CRABP2: variants seen among roughly 807,000 people sequenced by gnomAD.
CRABP2 encodes the protein cellular retinoic acid binding protein 2, also known as cellular retinoic acid-binding protein 2.
In CRABP2, 20 loss-of-function variants were observed where a neutral mutation model predicts 17.9. That is an observed-to-expected ratio of 1.12 (90% CI 0.79 to 1.63). The LOEUF is 1.63. CRABP2 is among the 40% of genes most tolerant of loss of function. CRABP2 has a pLI of 0.00. For synonymous variants in CRABP2, 76 were observed against 66.4 expected, an observed-to-expected ratio of 1.14 and a Z score of -0.70; for missense variants, 151 against 168.6, an observed-to-expected ratio of 0.90 and a Z score of 0.58.
Position 156,700,912 on chromosome 1 carries a change from C to G in CRABP2, c.211G>C (p.Glu71Gln), listed in dbSNP as rs755178703. Reference sequence around the variant, plus strand: ...CCATCCACAGTCTGCTCCTCAAACTCCTCCCCAACCTTGAAGTTAATCTCT... The same window carrying G: ...CCATCCACAGTCTGCTCCTCAAACTGCTCCCCAACCTTGAAGTTAATCTCT... The part of the protein sequence containing the change: ...TTEINFKVGE[E>Q]FEEQTVDGRP... Residue 71 changes from glutamate to glutamine, a missense_variant, in exon 2 of 4, where the codon GAG becomes CAG. By Grantham distance (29) the Glu-to-Gln change is conservative. Coordinates refer to ENST00000368222, the MANE Select transcript of CRABP2 (RefSeq NM_001878.4). 6.2e-7 allele frequency: 1 copy of G among 1,614,158 alleles called. No individual in the cohort carries two copies. Among genetic ancestry groups the G allele is most frequent in the Admixed American group, 1.7e-5 (1 of 60,032 alleles).
chr1:156,705,613 T>C (rs1405881525), upstream of CRABP2: 1 of 670,080 alleles, frequency 1.5e-6, no homozygotes, highest in African/African-American at 1.8e-5. The surrounding 1 kb of genome is among the most constrained non-coding windows in gnomAD (Gnocchi z 5.2). Context: ...ACAGCTTTTA[T>C]ACCCTGTACG....
rs1647966609 is a variant in CRABP2, at chr1:156,699,685, A to C, written c.*341T>G. On this transcript the variant is annotated 3_prime_UTR_variant, in exon 4 of 4. Coordinates refer to ENST00000368222, the MANE Select transcript of CRABP2 (RefSeq NM_001878.4). ...ATAGGCTACAGGGACAAAGGGTAGA[A>C]GCTAGAGGGCCAGTCTTTCCTGCTC... The C allele has an allele frequency of 3.3e-6, 1 of 298,756 alleles. No homozygotes were observed. The highest frequency in any genetic ancestry group is 4.6e-5 in the Admixed American group (1 of 21,730). 18.5% of individuals were successfully genotyped at this position (298,756 alleles called of 1,614,324 possible).
At position 156,705,352 on chromosome 1, in the gene CRABP2, C is replaced by T. The variant is rs1198308613; in HGVS notation, c.70+25G>A. ...GACTCCAGAGCCCCCCCTTGCCCCACCTGGGCCCTCGAACATTTCCTTACC... is the reference window on the plus strand; with the variant it reads ...GACTCCAGAGCCCCCCCTTGCCCCATCTGGGCCCTCGAACATTTCCTTACC... On this transcript the variant is annotated intron_variant, in intron 1 of 3. Coordinates refer to ENST00000368222, the MANE Select transcript of CRABP2 (RefSeq NM_001878.4). This position sits in a 1 kb window ranked among gnomAD's most constrained non-coding sequence, Gnocchi z 5.2. The T allele has an allele frequency of 5.0e-6, 8 of 1,613,834 alleles. No individual in the cohort carries two copies. Among genetic ancestry groups the T allele is most frequent in the Non-Finnish European group, 6.8e-6 (8 of 1,179,690 alleles).
At chr1:156,701,320 C>T (rs548284703) in intron 1 of CRABP2, among the ~76,000 whole-genome samples, 1 of 152,252 alleles carries the variant, frequency 6.6e-6, no homozygotes, top group Admixed American at 6.5e-5. Context: ...TGTGGCCCCA[C>T]CTTGTTGAGT....
chr1:156,701,185 G>C (rs1648021802), intron 1 of CRABP2, 133 bp from the exon 2 acceptor site: 3 of 915,992 alleles, frequency 3.3e-6, no homozygotes, highest in Non-Finnish European at 4.9e-6. Context: ...GCATCTGCCT[G>C]GTGCCTGGGT....
chr1:156,703,498 C>T (rs1295125258), intron 1 of CRABP2, among the ~76,000 whole-genome samples: 2 of 152,174 alleles, frequency 1.3e-5, no homozygotes, highest in Non-Finnish European at 2.9e-5. Context: ...CAGGGATGCA[C>T]TAGGCGGGGG....
chr1:156,699,824 C>T lies in CRABP2; in HGVS notation c.*202G>A. The T allele has an allele frequency of 1.8e-6, 1 of 563,908 alleles. No homozygotes were observed. Among genetic ancestry groups the T allele is most frequent in the Non-Finnish European group, 3.2e-6 (1 of 316,454 alleles). 34.9% of individuals were successfully genotyped at this position (563,908 alleles called of 1,614,324 possible). A position where few individuals can be genotyped will look rare whatever the true frequency, so the allele number is the denominator to read the frequency against. On this transcript the variant is annotated 3_prime_UTR_variant, in exon 4 of 4. Transcript: ENST00000368222. ...AATGGGTGATCTGGGCTCTTGCAGC[C>T]ATTCCTCTTTGTTGGTGTAGGGGAG... is the stretch of plus-strand genomic sequence containing the variant.
intron 1 of CRABP2, among the ~76,000 whole-genome samples, chr1:156,704,928 T>A (rs867277335): frequency 6.6e-6 from 1 of 151,688 alleles, no homozygotes; most frequent in Admixed American, 6.6e-5. Flanking sequence ...GGGGATTGGG[T>A]TACCGAGGGG....
chr1:156,704,246 G>T (rs539121983), intron 1 of CRABP2, among the ~76,000 whole-genome samples: 1 of 152,132 alleles, frequency 6.6e-6, no homozygotes, highest in Admixed American at 6.5e-5. Flanking sequence ...AAGAACTAAC[G>T]GCAAGGACTG....
intron 2 of CRABP2, 104 bp downstream of exon 2, chr1:156,700,770 T>A (rs1377043960): frequency 6.6e-7 from 1 of 1,523,752 alleles, no homozygotes; most frequent in East Asian, 2.3e-5. Context: ...GGATTTTCCC[T>A]ACTGGGACAG....
intron 1 of CRABP2, among the ~76,000 whole-genome samples, chr1:156,701,459 T>C (rs188609705): frequency 2.6e-3 from 396 of 152,246 alleles, no homozygotes; most frequent in Non-Finnish European, 2.6e-3. Context: ...TTTACTTCAC[T>C]TTTGGCCTTT....
At chr1:156,700,263 C>T (rs1205543932) in intron 3 of CRABP2, among the ~76,000 whole-genome samples, 187 bp from the exon 4 acceptor site, 1 of 152,104 alleles carries the variant, frequency 6.6e-6, no homozygotes, top group African/African-American at 2.4e-5. Flanking sequence ...CAATAGAGCC[C>T]CTGGGGCCCG....
chr1:156,700,920 A>C lies in CRABP2; in HGVS notation c.203T>G (p.Val68Gly), dbSNP rs756210836. Residue 68 changes from valine (V) to glycine (G), a missense_variant, in exon 2 of 4, where the codon GTT (valine) becomes GGT (glycine). Coordinates refer to ENST00000368222, the MANE Select transcript of CRABP2 (RefSeq NM_001878.4). Reference protein sequence around the residue: ...TVRTTEINFKVGEEFEEQTVD... With the variant: ...TVRTTEINFKGGEEFEEQTVD... ...AGTCTGCTCCTCAAACTCCTCCCCA[A>C]CCTTGAAGTTAATCTCTGTGGTGCG... is the stretch of plus-strand genomic sequence containing the variant. The C allele has an allele frequency of 6.2e-7, 1 of 1,613,772 alleles. No homozygotes were observed. Among genetic ancestry groups the C allele is most frequent in the Admixed American group, 1.7e-5 (1 of 59,986 alleles).
At position 156,699,897 on chromosome 1, in the gene CRABP2, G is replaced by C; in HGVS notation, c.*129C>G. The stretch of plus-strand genomic sequence containing the variant: ...AAGACCCTGCAAGAGGCATCCCAGT[G>C]ACCCCCAGAAGTGACTGGGGTAAGG... On this transcript the variant is annotated 3_prime_UTR_variant, in exon 4 of 4. Coordinates refer to ENST00000368222, the MANE Select transcript of CRABP2 (RefSeq NM_001878.4). The C allele has an allele frequency of 1.1e-6, 1 of 902,378 alleles. No individual in the cohort carries two copies. Among genetic ancestry groups the C allele is most frequent in the Non-Finnish European group, 1.7e-6 (1 of 581,072 alleles). The allele number at this position is 902,378 out of a possible 1,614,324, so 55.9% of individuals were successfully genotyped here.
rs1648017815 is a variant in CRABP2 at position 156,701,041 on chromosome 1, T to C, written c.82A>G (p.Met28Val). The C allele has an allele frequency of 6.2e-7, 1 of 1,614,116 alleles. No individual in the cohort carries two copies. ...ELLKVLGVNVMLRKIAVAAAS... is the reference protein window; with the variant it reads ...ELLKVLGVNVVLRKIAVAAAS... ...GCAGCCACAGCAATCTTCCTCAGCATCACATTCACCCCTGTGGGGAGAGAG... is the reference window on the plus strand; with the variant it reads ...GCAGCCACAGCAATCTTCCTCAGCACCACATTCACCCCTGTGGGGAGAGAG... Residue 28 changes from methionine to valine, a missense_variant, in exon 2 of 4, where the codon ATG becomes GTG. Met to Val is a conservative substitution (Grantham distance 21, BLOSUM62 1). Coordinates refer to ENST00000368222, the MANE Select transcript of CRABP2 (RefSeq NM_001878.4).
Position 156,699,846 on chromosome 1 carries a change from G to T in CRABP2, c.*180C>A. On this transcript the variant is annotated 3_prime_UTR_variant, in exon 4 of 4. Coordinates refer to ENST00000368222, the MANE Select transcript of CRABP2 (RefSeq NM_001878.4). ...AGCCATTCCTCTTTGTTGGTGTAGG[G>T]GAGGAGAGAAGAGGTCAAAGAAAGC... 1 of 606,180 alleles carries T rather than the reference G, an allele frequency of 1.6e-6. No individual in the cohort carries two copies. The highest frequency in any genetic ancestry group is 2.9e-6 in the Non-Finnish European group (1 of 342,334). The allele number at this position is 606,180 out of a possible 1,614,324, so 37.6% of individuals were successfully genotyped here.
chr1:156,705,617 C>T, upstream of CRABP2: 2 of 636,682 alleles, frequency 3.1e-6, no homozygotes, highest in Non-Finnish European at 5.4e-6. The surrounding 1 kb of genome is among the most constrained non-coding windows in gnomAD (Gnocchi z 5.2). Context: ...CTTTTATACC[C>T]TGTACGGAAC....
At chr1:156,700,713 A>AGAG (rs1234190042) in intron 2 of CRABP2, 55 bp from the exon 3 acceptor site, 1 of 1,551,420 alleles carries the variant, frequency 6.4e-7, no homozygotes, top group Admixed American at 1.7e-5. Context: ...CAATGCAGTG[A>AGAG]GAGGGATAAG....
intron 2 of CRABP2, 60 bp downstream of exon 2, chr1:156,700,814 A>C: frequency 1.9e-6 from 3 of 1,581,774 alleles, no homozygotes; most frequent in Non-Finnish European, 2.6e-6. Context: ...AGCCTGGAAA[A>C]TGGCAGGTTG....
Sources: allele counts gnomAD v4.1 joint callset (sites outside exome capture counted in the v4.1 genomes callset), GRCh38; gene constraint gnomAD v4.1.1; non-coding constraint Gnocchi (gnomAD v3.1); transcripts MANE v1.5; gene names NCBI Gene and HGNC (gene_info 2026-07-23, HGNC 2026-07-21).